SIM2: variants seen among roughly 807,000 people sequenced by gnomAD.
SIM2 encodes SIM bHLH transcription factor 2, also known as single-minded homolog 2.
A neutral mutation model predicts 64.8 loss-of-function variants in SIM2; 28 were observed. The ratio of observed to expected loss-of-function variants is 0.43; its 90% CI spans 0.32 to 0.59. The LOEUF (loss-of-function observed/expected upper bound fraction) is 0.59. Ranked by LOEUF, SIM2 falls within the 20% of genes least tolerant of loss-of-function variation. The probability of loss-of-function intolerance (pLI) is 0.07; values close to 1 mark genes in which losing one functional copy is unlikely to be tolerated. For missense variants in SIM2, 847 were observed against 871.4 expected (o/e 0.97, Z 0.35); for synonymous variants, 408 against 391.1 (o/e 1.04, Z -0.51).
At chr21:36,741,993 T>C in intron 8 of SIM2, 129 bp downstream of exon 8, 1 of 1,045,830 alleles carries the variant, frequency 9.6e-7, no homozygotes, top group South Asian at 1.9e-5. Context: ...TTTTTTTTCT[T>C]TTTTTTAATT....
In SIM2 at chr21:36,709,350, A is replaced by G. The variant is rs940140336; in HGVS notation, c.258+100A>G. 6.3e-5 allele frequency: 62 copies of G among 986,852 alleles called. 1 individual carries two copies. The African/African-American group carries it at 8.7e-4, about 14-fold the overall frequency. 61.1% of individuals were successfully genotyped at this position (986,852 alleles called of 1,614,324 possible). On this transcript the variant is annotated intron_variant, in intron 2 of 10. Coordinates refer to ENST00000290399, the MANE Select transcript of SIM2 (RefSeq NM_005069.6). ...CGTCCCTTCCCCAGGAGCGCCAGGC[A>G]GATCCAGAGGCTGCCGGGGGCTGGG...
At position 36,745,694 on chromosome 21, in the gene SIM2, G is replaced by C; in HGVS notation, c.1576+558G>C. Reference sequence around the variant, plus strand: ...TTCACCTGTAAAATGGGGTGAAGCTGTGATGTGCCTACTCCCAAGGACACG... The same window carrying C: ...TTCACCTGTAAAATGGGGTGAAGCTCTGATGTGCCTACTCCCAAGGACACG... On this transcript the variant is annotated intron_variant, in intron 10 of 10. Coordinates refer to ENST00000290399, the MANE Select transcript of SIM2 (RefSeq NM_005069.6). This position sits in a 1 kb window ranked among gnomAD's most constrained non-coding sequence, Gnocchi z 4.8. 1.6e-6 allele frequency: 2 copies of C among 1,236,204 alleles called. No homozygotes were observed. The highest frequency in any genetic ancestry group is 2.8e-5 in the South Asian group (2 of 70,626). 76.6% of individuals were successfully genotyped at this position (1,236,204 alleles called of 1,614,324 possible).
intron 2 of SIM2, chr21:36,710,684 C>A (rs1472178078): frequency 6.6e-6 from 1 of 152,194 alleles, no homozygotes; most frequent in South Asian, 2.1e-4. Flanking sequence ...AAAAGCAGAT[C>A]TTTTCACAAC....
At chr21:36,744,137 CAG>C (rs1416035085) in intron 9 of SIM2, among the ~76,000 whole-genome samples, 6 of 152,022 alleles carry the variant, frequency 3.9e-5, no homozygotes, top group African/African-American at 1.4e-4. Flanking sequence ...GAGGCTGAGA[CAG>C]GGAAATCGCT....
In SIM2 at chr21:36,741,689, G is replaced by A. The variant is rs779593055; in HGVS notation, c.851-28G>A. The A allele has an allele frequency of 2.5e-6, 4 of 1,609,666 alleles. No individual in the cohort carries two copies. The South Asian group carries it at 3.3e-5, about 13-fold the overall frequency. On this transcript the variant is annotated intron_variant, in intron 7 of 10. Coordinates refer to ENST00000290399, the MANE Select transcript of SIM2 (RefSeq NM_005069.6). ...CAGAGGTGGGGCCTGCGAAGCGTCT[G>A]AGGACTCCTGTCACCTTGTGCTTGC... is the stretch of plus-strand genomic sequence containing the variant.
chr21:36,719,877 G>A lies in SIM2; in HGVS notation c.405G>A (p.Glu135=), dbSNP rs1276129385. 6.2e-7 allele frequency: 1 copy of A among 1,613,392 alleles called. No homozygotes were observed. The highest frequency in any genetic ancestry group is 1.3e-5 in the African/African-American group (1 of 74,814). ...YEYIHPSDHD[E]MTAVLTAHQP... is the part of the protein sequence containing the mutation. ...ACATCCATCCTTCTGACCACGATGAGATGACCGCTGTCCTCACGGCCCACC... is the reference window on the plus strand; with the variant it reads ...ACATCCATCCTTCTGACCACGATGAAATGACCGCTGTCCTCACGGCCCACC... The change falls in exon 4 of 11, where the codon GAG becomes GAA. Residue 135 remains glutamate (E), a synonymous_variant. Transcript: ENST00000290399.
chr21:36,729,012 G>T (rs1311326512), intron 6 of SIM2, among the ~76,000 whole-genome samples: 1 of 152,224 alleles, frequency 6.6e-6, no homozygotes, highest in African/African-American at 2.4e-5. Flanking sequence ...GGGTTTGGCA[G>T]ATTCCTCTGA....
chr21:36,702,577 ATTATGCAAACTGGAGTCCAT>A (rs1445133478), intron 1 of SIM2, among the ~76,000 whole-genome samples: 2 of 152,238 alleles, frequency 1.3e-5, no homozygotes, highest in Non-Finnish European at 2.9e-5. Context: ...AAAGACCTCC[ATTATGCAAACTGGAGTCCAT>A]TTATGCAAAC....
chr21:36,707,872 T>A (rs1415651173), intron 1 of SIM2, among the ~76,000 whole-genome samples: 1 of 151,102 alleles, frequency 6.6e-6, no homozygotes, highest in Non-Finnish European at 1.5e-5. Flanking sequence ...GTCCCTCGTA[T>A]CCCGCGCTGC....
intron 1 of SIM2, among the ~76,000 whole-genome samples, chr21:36,706,886 A>C (rs1295308520): frequency 2.6e-5 from 4 of 152,246 alleles, no homozygotes; most frequent in Non-Finnish European, 4.4e-5. Context: ...AAAGAGAACA[A>C]GTTATCTTGA....
rs1183750232 is a variant in SIM2 at position 36,748,029 on chromosome 21, C to T, written c.1941C>T (p.Ser647=). 26 of 1,184,714 alleles carry T rather than the reference C, an allele frequency of 2.2e-5. No individual in the cohort carries two copies. Among genetic ancestry groups the T allele is most frequent in the Non-Finnish European group, 2.4e-5 (23 of 958,638 alleles). The allele number at this position is 1,184,714 out of a possible 1,614,324, so 73.4% of individuals were successfully genotyped here. A position where few individuals can be genotyped will look rare whatever the true frequency, so the allele number is the denominator to read the frequency against. Residue 647 remains serine, a synonymous_variant, in exon 11 of 11, where the codon TCC becomes TCT. Transcript: ENST00000290399. The part of the protein sequence containing the change: ...RLRHPSPAAT[S]PPGAPLPHYL... ...GGCACCCGAGCCCCGCCGCCACCTC[C>T]CCGCCCGGCGCGCCCCTGCCGCACT...
Position 36,709,573 on chromosome 21 carries a change from C to T in SIM2, c.258+323C>T, listed in dbSNP as rs937698352. On this transcript the variant is annotated intron_variant, in intron 2 of 10. Coordinates refer to ENST00000290399, the MANE Select transcript of SIM2 (RefSeq NM_005069.6). The stretch of plus-strand genomic sequence containing the variant: ...CCAATCTCACTTCCCTCAGCAGGTT[C>T]CACCCAGCGCTTGCTCTGTGCCAGG... The T allele has an allele frequency of 5.2e-5, 25 of 482,548 alleles. 1 individual carries two copies. The highest frequency in any genetic ancestry group is 1.9e-4 in the Admixed American group (7 of 35,966). 29.9% of individuals were successfully genotyped at this position (482,548 alleles called of 1,614,324 possible). A position where few individuals can be genotyped will look rare whatever the true frequency, so the allele number is the denominator to read the frequency against.
chr21:36,699,683 G>T lies in SIM2; in HGVS notation c.-64G>T. ...CCCCTTCCCCATCCCCGCCGCCGCA[G>T]CCCGAGCGGGGCTCCGCGGGCCTGG... On this transcript the variant is annotated 5_prime_UTR_variant, in exon 1 of 11. Coordinates refer to ENST00000290399, the MANE Select transcript of SIM2 (RefSeq NM_005069.6). This position sits in a 1 kb window ranked among gnomAD's most constrained non-coding sequence, Gnocchi z 5.6. 3 of 1,556,820 alleles carry T rather than the reference G, an allele frequency of 1.9e-6. No homozygotes were observed. The highest frequency in any genetic ancestry group is 1.4e-5 in the African/African-American group (1 of 70,952).
chr21:36,745,999 T>C lies in SIM2; in HGVS notation c.1576+863T>C. ...GCAGATGCCTGCAGTGCCACTAAAATGTGGGTGAAGGTGACATCAGGATTA... is the reference window on the plus strand; with the variant it reads ...GCAGATGCCTGCAGTGCCACTAAAACGTGGGTGAAGGTGACATCAGGATTA... On this transcript the variant is annotated intron_variant, in intron 10 of 10. Coordinates refer to ENST00000290399, the MANE Select transcript of SIM2 (RefSeq NM_005069.6). The surrounding 1 kb of genome is among the most constrained non-coding windows in gnomAD (Gnocchi z 4.8). 1 of 1,179,738 alleles carries C rather than the reference T, an allele frequency of 8.5e-7. No homozygotes were observed. Among genetic ancestry groups the C allele is most frequent in the Non-Finnish European group, 1.1e-6 (1 of 923,800 alleles). The allele number at this position is 1,179,738 out of a possible 1,614,324, so 73.1% of individuals were successfully genotyped here.
At position 36,747,983 on chromosome 21, in the gene SIM2, C is replaced by A. The variant is rs1456011609; in HGVS notation, c.1895C>A (p.Ala632Glu). ...TGCGCTCCCGGCGGCCCCGAGGCGG[C>A]GACCGGCGCGCTGCGGCTCCGGCAC... The part of the protein sequence containing the change: ...LACAPGGPEA[A>E]TGALRLRHPS... Residue 632 changes from alanine (A) to glutamate (E), a missense_variant, in exon 11 of 11, where the codon GCG (alanine) becomes GAG (glutamate). Coordinates refer to ENST00000290399, the MANE Select transcript of SIM2 (RefSeq NM_005069.6). This position sits in a 1 kb window ranked among gnomAD's most constrained non-coding sequence, Gnocchi z 4.5. The A allele has an allele frequency of 5.7e-6, 6 of 1,051,896 alleles. No homozygotes were observed. Among genetic ancestry groups the A allele is most frequent in the Non-Finnish European group, 5.7e-6 (5 of 874,732 alleles). The allele number at this position is 1,051,896 out of a possible 1,614,324, so 65.2% of individuals were successfully genotyped here.
chr21:36,701,174 G>C (rs1372011795), intron 1 of SIM2: 2 of 152,632 alleles, frequency 1.3e-5, no homozygotes. Context: ...GCCGGCCTCT[G>C]GAGCCCCGGG....
At chr21:36,708,137 G>T (rs1285070011) in intron 1 of SIM2, among the ~76,000 whole-genome samples, 3 of 152,240 alleles carry the variant, frequency 2.0e-5, no homozygotes, top group Non-Finnish European at 4.4e-5. Context: ...ATCTGGCGCT[G>T]CAGCCACCAG....
At chr21:36,723,236 C>T in intron 5 of SIM2, 106 bp downstream of exon 5, 1 of 875,918 alleles carries the variant, frequency 1.1e-6, no homozygotes, top group Non-Finnish European at 1.9e-6. Context: ...CTCGTCATCC[C>T]CACTAATGTA....
intron 9 of SIM2, 67 bp downstream of exon 9, chr21:36,743,622 C>T: frequency 7.0e-7 from 1 of 1,434,946 alleles, no homozygotes; most frequent in Non-Finnish European, 9.6e-7. Context: ...CACCTGGACA[C>T]ATTAAGGAAT....
Sources: gnomAD v4.1 joint callset for allele counts (sites outside exome capture counted in the v4.1 genomes callset) on GRCh38, gnomAD v4.1.1 for gene constraint, Gnocchi (gnomAD v3.1) non-coding constraint, MANE v1.5 for transcripts, NCBI Gene and HGNC (gene_info 2026-07-23, HGNC 2026-07-21) for gene names.